Variants in ROBO2 observed in about 807,000 individuals in gnomAD.
The protein encoded by ROBO2 is roundabout homolog 2.
In ROBO2, 53 loss-of-function variants were observed where a neutral mutation model predicts 160.8. The observed-to-expected ratio is 0.33, with a 90% CI of 0.26 to 0.41. The LOEUF (loss-of-function observed/expected upper bound fraction) is 0.41. Among genes scored for constraint, ROBO2 ranks in the 10% least tolerant of loss-of-function variants. The pLI is 1.00. For synonymous variants in ROBO2, 664 were observed against 611.7 expected, an observed-to-expected ratio of 1.09 and a Z score of -1.26; for missense variants, 1,577 against 1,722.4, an observed-to-expected ratio of 0.92 and a Z score of 1.49.
At chr3:75,988,712 T>A (rs1215712142) in intron 2 of ROBO2, among the ~76,000 whole-genome samples, 1 of 151,984 alleles carries the variant, frequency 6.6e-6, no homozygotes, top group African/African-American at 2.4e-5. Flanking sequence ...ATTTTCTAAT[T>A]TCCTTTTGTG....
At chr3:76,270,996 G>T (rs1282348876) in intron 2 of ROBO2, among the ~76,000 whole-genome samples, 1 of 151,982 alleles carries the variant, frequency 6.6e-6, no homozygotes, top group Non-Finnish European at 1.5e-5. Flanking sequence ...GAAACACTTG[G>T]TAAACTTTAT....
chr3:77,480,704 A>G (rs2084585536), intron 3 of ROBO2, among the ~76,000 whole-genome samples: 1 of 152,116 alleles, frequency 6.6e-6, no homozygotes, highest in African/African-American at 2.4e-5. Flanking sequence ...TACTTTCTGA[A>G]TCCCTCTGAT....
chr3:76,112,909 T>A (rs1275799836), intron 2 of ROBO2, among the ~76,000 whole-genome samples: 1 of 152,092 alleles, frequency 6.6e-6, no homozygotes, highest in East Asian at 1.9e-4. Flanking sequence ...CAATTCTTTT[T>A]CTAAATGATA....
intron 2 of ROBO2, among the ~76,000 whole-genome samples, chr3:76,951,750 G>T (rs1003583873): frequency 6.6e-6 from 1 of 151,896 alleles, no homozygotes; most frequent in Admixed American, 6.6e-5. Flanking sequence ...GTTCTACCCC[G>T]CCATGAGATT....
intron 2 of ROBO2, among the ~76,000 whole-genome samples, chr3:76,210,929 A>C (rs1703107515): frequency 6.6e-6 from 1 of 152,120 alleles, no homozygotes; most frequent in African/African-American, 2.4e-5. Flanking sequence ...TTCTAAAGTA[A>C]TTATCTGCTC....
At chr3:76,812,847 C>A (rs1418088364) in intron 2 of ROBO2, among the ~76,000 whole-genome samples, 5 of 144,824 alleles carry the variant, frequency 3.5e-5, no homozygotes, top group Non-Finnish European at 7.5e-5. Context: ...ATGGCATGAA[C>A]AGAAATCCAA....
At chr3:77,545,807 A>G (rs1188343575) in intron 6 of ROBO2, among the ~76,000 whole-genome samples, 2 of 152,068 alleles carry the variant, frequency 1.3e-5, no homozygotes, top group African/African-American at 4.8e-5. Flanking sequence ...CAATTCTTCA[A>G]TGTCTTTAAT....
At chr3:77,019,178 A>C (rs1368430840) in intron 2 of ROBO2, among the ~76,000 whole-genome samples, 2 of 152,330 alleles carry the variant, frequency 1.3e-5, no homozygotes, top group African/African-American at 4.8e-5. Flanking sequence ...TATAGACAAC[A>C]GAAGTGTATT....
intron 2 of ROBO2, among the ~76,000 whole-genome samples, chr3:76,779,294 G>T (rs1437256703): frequency 6.6e-6 from 1 of 150,830 alleles, no homozygotes; most frequent in East Asian, 2.0e-4. Flanking sequence ...AAATATACCC[G>T]TCACCTCCCA....
intron 2 of ROBO2, among the ~76,000 whole-genome samples, chr3:76,788,456 G>T (rs1444266401): frequency 6.6e-6 from 1 of 151,426 alleles, no homozygotes; most frequent in Non-Finnish European, 1.5e-5. Flanking sequence ...CCTCAGGGAA[G>T]TTAATGTGTC....
chr3:76,094,088 G>A (rs6782618), intron 2 of ROBO2, among the ~76,000 whole-genome samples: 93,169 of 152,004 alleles, frequency 0.61, 29,364 homozygotes, highest in African/African-American at 0.73. Flanking sequence ...GAAGAATAGG[G>A]GAATGTGCTG....
intron 2 of ROBO2, among the ~76,000 whole-genome samples, chr3:77,110,872 T>G (rs1416124868): frequency 1.3e-5 from 2 of 152,022 alleles, no homozygotes; most frequent in Non-Finnish European, 2.9e-5. Flanking sequence ...TTTTGTACTT[T>G]TTGTCGAGAT....
chr3:76,562,687 T>C (rs1407384118), intron 2 of ROBO2, among the ~76,000 whole-genome samples: 2 of 152,216 alleles, frequency 1.3e-5, no homozygotes, highest in African/African-American at 4.8e-5. Flanking sequence ...CATTCATTTT[T>C]ATCTGGTATA....
chr3:76,975,648 G>C (rs1293634812), intron 2 of ROBO2, among the ~76,000 whole-genome samples: 1 of 151,940 alleles, frequency 6.6e-6, no homozygotes, highest in South Asian at 2.1e-4. Flanking sequence ...AGCTTTTGAA[G>C]GAAAGTATAA....
At chr3:77,389,204 A>G (rs1450432350) in intron 2 of ROBO2, among the ~76,000 whole-genome samples, 2 of 152,196 alleles carry the variant, frequency 1.3e-5, no homozygotes, top group South Asian at 2.1e-4. Context: ...TTGGCCTCCC[A>G]AAGTGCTGGG....
chr3:77,446,057 T>C (rs556636331), intron 2 of ROBO2, among the ~76,000 whole-genome samples: 26 of 152,222 alleles, frequency 1.7e-4, no homozygotes, highest in African/African-American at 5.3e-4. Flanking sequence ...TCCAGGAGTC[T>C]ACAACTCTCC....
chr3:76,008,727 G>A (rs577896764), intron 2 of ROBO2, among the ~76,000 whole-genome samples: 1 of 82,816 alleles, frequency 1.2e-5, no homozygotes, highest in East Asian at 7.5e-4. Context: ...TTAGTTTAGG[G>A]TAGAAGGGAT....
upstream of ROBO2, among the ~76,000 whole-genome samples, chr3:77,039,031 T>C (rs997774306): frequency 2.0e-5 from 3 of 152,186 alleles, no homozygotes; most frequent in African/African-American, 7.2e-5. Context: ...TCCCTCGCCC[T>C]GCGCGATCGC....
intron 2 of ROBO2, among the ~76,000 whole-genome samples, chr3:76,629,222 C>G (rs757156667): frequency 2.0e-5 from 3 of 152,080 alleles, no homozygotes; most frequent in Non-Finnish European, 4.4e-5. Flanking sequence ...ACCCAAAATC[C>G]ACACTGTTCT....
Sources: allele counts gnomAD v4.1 joint callset (sites outside exome capture counted in the v4.1 genomes callset), GRCh38; gene constraint gnomAD v4.1.1; transcripts MANE v1.5; gene names NCBI Gene and HGNC (gene_info 2026-07-23, HGNC 2026-07-21).